Variants in DNM2 observed in about 807,000 individuals in gnomAD.
DNM2 encodes the protein dynamin 2, also known as dynamin-2.
Under a neutral mutation model 99.0 loss-of-function variants are expected in DNM2, and 15 were observed. The ratio of observed to expected loss-of-function variants is 0.15; its 90% CI spans 0.10 to 0.23. DNM2 has a LOEUF of 0.23. Ranked by LOEUF, DNM2 falls within the 10% of genes least tolerant of loss-of-function variation. DNM2 has a pLI of 1.00. For synonymous variants in DNM2, 525 were observed against 481.2 expected (o/e 1.09, Z -1.19); for missense variants, 742 against 1,189.4 (o/e 0.62, Z 5.53).
chr19:10,815,545 G>T (rs2072707747), intron 15 of DNM2, among the ~76,000 whole-genome samples: 1 of 152,170 alleles, frequency 6.6e-6, no homozygotes, highest in African/African-American at 2.4e-5. Context: ...GTTTTGTCCT[G>T]GTAACTACCA....
At chr19:10,750,826 G>C (rs775133785) in intron 1 of DNM2, among the ~76,000 whole-genome samples, 2 of 152,062 alleles carry the variant, frequency 1.3e-5, no homozygotes, top group Non-Finnish European at 2.9e-5. Context: ...CCAGCTACTT[G>C]GGGGGCTGAG....
Position 10,721,203 on chromosome 19 carries a change from C to T in DNM2, c.161+2800C>T, listed in dbSNP as rs561463453. Among the ~76,000 whole-genome samples, 10 of 152,240 alleles carry T rather than the reference C, an allele frequency of 6.6e-5. No homozygotes were observed. The South Asian group carries it at 1.0e-3, about 16-fold the overall frequency. On this transcript the variant is annotated intron_variant, in intron 1 of 20. Coordinates refer to ENST00000389253, the MANE Select transcript of DNM2 (RefSeq NM_001005361.3). ...ACCGAGTCTCACTCTGTTCCCCAGG[C>T]TGGAGTGCAGTGGTGTTATCTCAGC...
At chr19:10,813,256 T>A (rs574873384) in intron 15 of DNM2, among the ~76,000 whole-genome samples, 1 of 152,302 alleles carries the variant, frequency 6.6e-6, no homozygotes, top group South Asian at 2.1e-4. Flanking sequence ...TGCTGAGTCA[T>A]GGGAGGGACT....
At chr19:10,808,443 C>T in intron 13 of DNM2, 126 bp from the exon 14 acceptor site, 1 of 973,704 alleles carries the variant, frequency 1.0e-6, no homozygotes, top group Non-Finnish European at 1.5e-6. Context: ...TTTTCCCCTG[C>T]TCTTCTCTTC....
At chr19:10,789,454 C>A (rs752154273) in intron 7 of DNM2, among the ~76,000 whole-genome samples, 1 of 151,788 alleles carries the variant, frequency 6.6e-6, no homozygotes, top group Non-Finnish European at 1.5e-5. Flanking sequence ...CATGGGGATG[C>A]CAAGTCAGGA....
intron 1 of DNM2, among the ~76,000 whole-genome samples, chr19:10,734,229 G>T (rs559230953): frequency 3.3e-5 from 5 of 151,530 alleles, no homozygotes; most frequent in South Asian, 2.1e-4. Context: ...TGTAGTCCCA[G>T]CCACTCGGGA....
rs1465495631 is a variant in DNM2 at position 10,743,796 on chromosome 19, C to G, written c.162-15942C>G. Reference sequence around the variant, plus strand: ...CTGCACTCCAGCCTGGGTGACAAAGCGAGACTCTGTCTCAAAAAAAAAAAA... The same window carrying G: ...CTGCACTCCAGCCTGGGTGACAAAGGGAGACTCTGTCTCAAAAAAAAAAAA... On this transcript the variant is annotated intron_variant, in intron 1 of 20. Coordinates refer to ENST00000389253, the MANE Select transcript of DNM2 (RefSeq NM_001005361.3). Among the ~76,000 whole-genome samples the G allele has an allele frequency of 1.0e-3, 105 of 103,292 alleles. 1 individual carries two copies. The highest frequency in any genetic ancestry group is 4.2e-3 in the African/African-American group (102 of 24,472). The allele number at this position is 103,292 out of a possible 152,430, so 67.8% of individuals were successfully genotyped here.
At position 10,830,393 on chromosome 19, in the gene DNM2, C is replaced by G. The variant is rs2073296668; in HGVS notation, c.2543+15C>G. ...GGAGTGCCCAGGTAAGGCCAACCCC[C>G]TGCCCTCCACCCCAACTGCCTGCAC... On this transcript the variant is annotated intron_variant, in intron 20 of 20. Transcript: ENST00000389253. This position sits in a 1 kb window ranked among gnomAD's most constrained non-coding sequence, Gnocchi z 4.8. 1 of 1,604,662 alleles carries G rather than the reference C, an allele frequency of 6.2e-7. No homozygotes were observed. Among genetic ancestry groups the G allele is most frequent in the Non-Finnish European group, 8.5e-7 (1 of 1,177,982 alleles).
chr19:10,819,855 T>C (rs1034865518), intron 15 of DNM2, 125 bp from the exon 16 acceptor site: 1 of 864,734 alleles, frequency 1.2e-6, no homozygotes. Flanking sequence ...TGGGCTCATA[T>C]ACAGCAGCGA....
At chr19:10,814,650 C>T (rs191881291) in intron 15 of DNM2, among the ~76,000 whole-genome samples, 4 of 152,194 alleles carry the variant, frequency 2.6e-5, no homozygotes, top group Non-Finnish European at 5.9e-5. Flanking sequence ...TCCTTCTACT[C>T]TCCACCTCTG....
chr19:10,829,496 G>A (rs985235797), intron 19 of DNM2, among the ~76,000 whole-genome samples: 11 of 152,154 alleles, frequency 7.2e-5, no homozygotes, highest in African/African-American at 2.4e-4. Flanking sequence ...TAAATACCCC[G>A]CCTGCCCTCT....
intron 10 of DNM2, among the ~76,000 whole-genome samples, chr19:10,797,779 A>G (rs2071990829): frequency 6.6e-6 from 1 of 152,130 alleles, no homozygotes. Context: ...CCTTTCCTGG[A>G]ACCCCTAGAG....
chr19:10,795,647 C>G lies in DNM2; in HGVS notation c.1196+208C>G. On this transcript the variant is annotated intron_variant, in intron 9 of 20. Transcript: ENST00000389253. This position sits in a 1 kb window ranked among gnomAD's most constrained non-coding sequence, Gnocchi z 4.2. Reference sequence around the variant, plus strand: ...TTAGTCCTGCGTCCATTGCAGGCTTCAGGGCTGTCTGCAGCTCCTGATCAA... The same window carrying G: ...TTAGTCCTGCGTCCATTGCAGGCTTGAGGGCTGTCTGCAGCTCCTGATCAA... 1.6e-6 allele frequency: 1 copy of G among 620,478 alleles called. No individual in the cohort carries two copies. The highest frequency in any genetic ancestry group is 2.9e-6 in the Non-Finnish European group (1 of 349,368). The allele number at this position is 620,478 out of a possible 1,614,324, so 38.4% of individuals were successfully genotyped here.
intron 15 of DNM2, among the ~76,000 whole-genome samples, chr19:10,813,782 C>T (rs936375909): frequency 2.0e-5 from 3 of 149,724 alleles, no homozygotes; most frequent in Non-Finnish European, 3.0e-5. Flanking sequence ...GCTATGATCA[C>T]ACCACTGCAC....
At chr19:10,755,943 C>T (rs2070367341) in intron 1 of DNM2, among the ~76,000 whole-genome samples, 1 of 152,144 alleles carries the variant, frequency 6.6e-6, no homozygotes, top group African/African-American at 2.4e-5. Context: ...GGATTATAGG[C>T]GTGAGCCACT....
rs910137651 is a variant in DNM2 at position 10,796,638 on chromosome 19, C to G, written c.1197-742C>G. Among the ~76,000 whole-genome samples, 1 of 152,188 alleles carries G rather than the reference C, an allele frequency of 6.6e-6. No homozygotes were observed. The highest frequency in any genetic ancestry group is 2.4e-5 in the African/African-American group (1 of 41,454). The stretch of plus-strand genomic sequence containing the variant: ...TCCCTGGAGCCACCGACTTCTCTGT[C>G]CCTCAGCTCCGGGAATGGCCTGAAT... On this transcript the variant is annotated intron_variant, in intron 9 of 20. Coordinates refer to ENST00000389253, the MANE Select transcript of DNM2 (RefSeq NM_001005361.3). The surrounding 1 kb of genome is among the most constrained non-coding windows in gnomAD (Gnocchi z 5.6).
At chr19:10,778,789 C>T (rs1315490024) in intron 5 of DNM2, among the ~76,000 whole-genome samples, 1 of 152,192 alleles carries the variant, frequency 6.6e-6, no homozygotes, top group African/African-American at 2.4e-5. Context: ...AACCAGACCA[C>T]ATCCCACATT....
At chr19:10,746,928 A>T (rs1365551154) in intron 1 of DNM2, among the ~76,000 whole-genome samples, 1 of 149,270 alleles carries the variant, frequency 6.7e-6, no homozygotes. Flanking sequence ...GTAGAGACGG[A>T]GTTTCTCCAT....
At position 10,798,404 on chromosome 19, in the gene DNM2, C is replaced by T. The variant is rs148385341; in HGVS notation, c.1336-82C>T. 1.3e-3 allele frequency: 1,468 copies of T among 1,125,568 alleles called. 6 individuals are homozygous for T. The African/African-American group carries it at 0.017, about 13-fold the overall frequency. 69.7% of individuals were successfully genotyped at this position (1,125,568 alleles called of 1,614,324 possible). A position where few individuals can be genotyped will look rare whatever the true frequency, so the allele number is the denominator to read the frequency against. The stretch of plus-strand genomic sequence containing the variant: ...TCATATCTCATTCCCCACCCCCCTC[C>T]GCATTTTCTACCTGTGTGGTTCATG... On this transcript the variant is annotated intron_variant, in intron 10 of 20. Transcript: ENST00000389253.
Sources: allele counts gnomAD v4.1 joint callset (sites outside exome capture counted in the v4.1 genomes callset), GRCh38; gene constraint gnomAD v4.1.1; non-coding constraint Gnocchi (gnomAD v3.1); transcripts MANE v1.5; gene names NCBI Gene and HGNC (gene_info 2026-07-23, HGNC 2026-07-21).